CA10: variants seen among roughly 807,000 people sequenced by gnomAD.
CA10 encodes carbonic anhydrase-related protein 10.
Under a neutral mutation model 44.2 loss-of-function variants are expected in CA10, and 14 were observed. The ratio of observed to expected loss-of-function variants is 0.32; its 90% CI spans 0.21 to 0.50. The LOEUF (loss-of-function observed/expected upper bound fraction) is 0.50, where lower values mean the gene tolerates loss of function less well. CA10 is among the 20% of genes least tolerant of loss of function. CA10 has a pLI of 0.99. For synonymous variants in CA10, 159 were observed against 141.6 expected (o/e 1.12, Z -0.87); for missense variants, 350 against 409.7 (o/e 0.85, Z 1.26).
At chr17:51,835,228 CCA>C (rs1187846863) in intron 3 of CA10, among the ~76,000 whole-genome samples, 1 of 152,182 alleles carries the variant, frequency 6.6e-6, no homozygotes, top group Non-Finnish European at 1.5e-5. Context: ...TAAGAGTTAA[CCA>C]CAGAGAGCGA....
intron 1 of CA10, among the ~76,000 whole-genome samples, chr17:52,122,505 G>A (rs909605399): frequency 5.9e-5 from 9 of 152,120 alleles, no homozygotes; most frequent in Admixed American, 5.2e-4. Context: ...TGATTTAGGA[G>A]TTTCCTGGTG....
intron 3 of CA10, among the ~76,000 whole-genome samples, chr17:51,835,046 A>G (rs1045335576): frequency 6.6e-6 from 1 of 152,156 alleles, no homozygotes; most frequent in Non-Finnish European, 1.5e-5. Context: ...GAAGAATATG[A>G]GAGAATTCTC....
intron 1 of CA10, among the ~76,000 whole-genome samples, chr17:52,085,913 T>A (rs191088305): frequency 6.6e-6 from 1 of 152,328 alleles, no homozygotes; most frequent in East Asian, 1.9e-4. Flanking sequence ...AAGTGTTTGC[T>A]CAAACACTAC....
chr17:51,979,950 CTT>C (rs1248410297), intron 2 of CA10, among the ~76,000 whole-genome samples: 1 of 152,104 alleles, frequency 6.6e-6, no homozygotes, highest in African/African-American at 2.4e-5. Context: ...GATTCCAAGT[CTT>C]TGCTTCTTTG....
chr17:51,767,599 G>C (rs1905434861), intron 3 of CA10, among the ~76,000 whole-genome samples: 1 of 152,024 alleles, frequency 6.6e-6, no homozygotes, highest in African/African-American at 2.4e-5. Flanking sequence ...GGGGTGGGGG[G>C]ACAGCTTTGG....
At chr17:51,944,391 C>T (rs1044819650) in intron 2 of CA10, among the ~76,000 whole-genome samples, 1 of 152,166 alleles carries the variant, frequency 6.6e-6, no homozygotes, top group Non-Finnish European at 1.5e-5. Flanking sequence ...CCTACCTCTG[C>T]AGGCTACCCT....
intron 2 of CA10, among the ~76,000 whole-genome samples, chr17:52,011,583 A>G (rs1160405856): frequency 6.6e-6 from 1 of 152,112 alleles, no homozygotes; most frequent in Non-Finnish European, 1.5e-5. Flanking sequence ...TACTTTGCCA[A>G]AAGAACATTT....
At chr17:51,878,898 G>GTGTGTT (rs2143880612) in intron 3 of CA10, among the ~76,000 whole-genome samples, 1 of 109,614 alleles carries the variant, frequency 9.1e-6, no homozygotes, top group Non-Finnish European at 1.8e-5. Flanking sequence ...ATATGGGTGT[G>GTGTGTT]TGTGTGTGTG....
intron 3 of CA10, among the ~76,000 whole-genome samples, chr17:51,880,180 G>T (rs11868731): frequency 0.08 from 12,147 of 152,186 alleles, 1,031 homozygotes; most frequent in African/African-American, 0.22. Context: ...AGCAGAAACC[G>T]TAATAAGGCT....
chr17:51,663,323 T>A (rs1340913617), intron 4 of CA10, among the ~76,000 whole-genome samples: 1 of 36 alleles, frequency 0.028, no homozygotes, highest in African/African-American at 0.071. Context: ...ATGAGCCTCC[T>A]GCACGACGTC....
At chr17:51,920,193 T>C (rs183320129) in intron 3 of CA10, among the ~76,000 whole-genome samples, 68 of 152,316 alleles carry the variant, frequency 4.5e-4, no homozygotes, top group Admixed American at 8.5e-4. Context: ...TGTACAACTG[T>C]CAATCTTTCT....
rs60174963 is a variant in CA10, at chr17:51,650,078, A to G, written c.562-824T>C. Among the ~76,000 whole-genome samples, 519 of 152,278 alleles carry G rather than the reference A, an allele frequency of 3.4e-3. 7 individuals are homozygous for G. Among genetic ancestry groups the G allele is most frequent in the African/African-American group, 0.012 (493 of 41,540 alleles). On this transcript the variant is annotated intron_variant, in intron 5 of 8. Coordinates refer to ENST00000451037, the MANE Select transcript of CA10 (RefSeq NM_020178.5). ...ACATTGTACCAGATGTTCAGGGATC[A>G]GTTCCCATTTTATGCCTATGCCCTT...
chr17:51,808,786 A>T (rs1907238612), intron 3 of CA10, among the ~76,000 whole-genome samples: 1 of 152,198 alleles, frequency 6.6e-6, no homozygotes, highest in Admixed American at 6.5e-5. Context: ...AAGTATACTA[A>T]ATGTCAACAA....
chr17:51,881,259 A>AG (rs1555608634), intron 3 of CA10, among the ~76,000 whole-genome samples: 1 of 151,466 alleles, frequency 6.6e-6, no homozygotes, highest in African/African-American at 2.4e-5. Context: ...AAAAAAAAAA[A>AG]AAGTTTTATC....
chr17:51,950,620 G>A (rs1164715735), intron 2 of CA10, among the ~76,000 whole-genome samples: 1 of 152,042 alleles, frequency 6.6e-6, no homozygotes, highest in Non-Finnish European at 1.5e-5. Context: ...TGCCCTGGAG[G>A]AGATAGTTCC....
intron 2 of CA10, among the ~76,000 whole-genome samples, chr17:52,015,701 A>G (rs758927399): frequency 3.3e-5 from 5 of 152,086 alleles, no homozygotes; most frequent in Non-Finnish European, 7.4e-5. Context: ...TTAAAGTCTC[A>G]ATTTCACCAT....
chr17:51,862,228 A>T (rs1979343014), intron 3 of CA10, among the ~76,000 whole-genome samples: 1 of 152,228 alleles, frequency 6.6e-6, no homozygotes, highest in African/African-American at 2.4e-5. Flanking sequence ...AAGGTAGTTA[A>T]TTTGCTCCAA....
At chr17:51,997,221 G>T (rs1406006725) in intron 2 of CA10, among the ~76,000 whole-genome samples, 2 of 151,900 alleles carry the variant, frequency 1.3e-5, no homozygotes, top group Non-Finnish European at 2.9e-5. Context: ...ATTTACCATT[G>T]TAGATCTATT....
intron 1 of CA10, among the ~76,000 whole-genome samples, chr17:52,139,484 A>G (rs1338794198): frequency 6.8e-6 from 1 of 146,256 alleles, no homozygotes; most frequent in Admixed American, 6.9e-5. Flanking sequence ...ATGCATTTCC[A>G]TCCCTCTCTG....
Sources: allele counts gnomAD v4.1 joint callset (sites outside exome capture counted in the v4.1 genomes callset), GRCh38; gene constraint gnomAD v4.1.1; transcripts MANE v1.5; gene names NCBI Gene and HGNC (gene_info 2026-07-23, HGNC 2026-07-21).